The following GLI3 variants were observed in gnomAD, a reference collection of about 807,000 sequenced individuals.
GLI3 encodes GLI family zinc finger 3.
GLI3 carries 20 observed loss-of-function variants against 100.8 expected under a neutral mutation model. That is an observed-to-expected ratio of 0.20 (90% CI 0.14 to 0.29). The LOEUF (loss-of-function observed/expected upper bound fraction) is 0.29. Among genes scored for constraint, GLI3 ranks in the 10% least tolerant of loss-of-function variants. GLI3 has a pLI of 1.00. For synonymous variants in GLI3, 938 were observed against 860.5 expected, an observed-to-expected ratio of 1.09 and a Z score of -1.58; for missense variants, 2,040 against 2,128.5, an observed-to-expected ratio of 0.96 and a Z score of 0.82.
At chr7:42,142,706 G>C (rs999301845) in intron 3 of GLI3, among the ~76,000 whole-genome samples, 2 of 151,632 alleles carry the variant, frequency 1.3e-5, no homozygotes, top group African/African-American at 2.4e-5. Context: ...AAGTTGTCTT[G>C]CAATGCAGCT....
chr7:42,148,145 AC>A, intron 3 of GLI3, 80 bp downstream of exon 3: 1 of 1,071,810 alleles, frequency 9.3e-7, no homozygotes, highest in Non-Finnish European at 1.3e-6. Flanking sequence ...GCACACACAC[AC>A]ACACACACAC....
At chr7:42,009,078 G>A (rs910806091) in intron 10 of GLI3, among the ~76,000 whole-genome samples, 9 of 152,144 alleles carry the variant, frequency 5.9e-5, no homozygotes, top group African/African-American at 1.9e-4. Context: ...CAGCTCCCTT[G>A]ACTGATGCCA....
At chr7:42,128,248 G>A (rs1272050581) in intron 3 of GLI3, among the ~76,000 whole-genome samples, 1 of 151,856 alleles carries the variant, frequency 6.6e-6, no homozygotes, top group Non-Finnish European at 1.5e-5. Flanking sequence ...TGTCTGTTAT[G>A]GTATTAGCCA....
At chr7:42,204,731 C>G (rs1039409724) in intron 2 of GLI3, among the ~76,000 whole-genome samples, 1 of 152,100 alleles carries the variant, frequency 6.6e-6, no homozygotes, top group African/African-American at 2.4e-5. Flanking sequence ...TCTTTCTGAG[C>G]TTGATTCCAT....
chr7:42,214,982 A>G (rs956682625), intron 2 of GLI3, among the ~76,000 whole-genome samples: 1 of 152,226 alleles, frequency 6.6e-6, no homozygotes, highest in Admixed American at 6.5e-5. Context: ...AAATAGAAGA[A>G]AGAAACTAAC....
At chr7:42,086,115 A>G (rs1785096885) in intron 3 of GLI3, among the ~76,000 whole-genome samples, 1 of 152,196 alleles carries the variant, frequency 6.6e-6, no homozygotes, top group African/African-American at 2.4e-5. Flanking sequence ...AAAAATAATA[A>G]AACAATCTTG....
chr7:42,214,838 C>A (rs1788342577), intron 2 of GLI3, among the ~76,000 whole-genome samples: 1 of 145,122 alleles, frequency 6.9e-6, no homozygotes, highest in Admixed American at 7.0e-5. Flanking sequence ...TTAAATTGGC[C>A]TAAAATGTAC....
rs574573569 is a variant in GLI3 at position 42,001,182 on chromosome 7, T to C, written c.1497+22286A>G. ...ATCATTTGACTGTGGGAGGTGAAGG[T>C]TGCAGTGAGCCGAGATCACACTCCA... On this transcript the variant is annotated intron_variant, in intron 10 of 14. Coordinates refer to ENST00000395925, the MANE Select transcript of GLI3 (RefSeq NM_000168.6). Among the ~76,000 whole-genome samples, 4 of 142,820 alleles carry C rather than the reference T, an allele frequency of 2.8e-5. No individual in the cohort carries two copies. The East Asian group carries it at 6.4e-4, about 23-fold the overall frequency. The allele number at this position is 142,820 out of a possible 152,430, so 93.7% of individuals were successfully genotyped here. A position where few individuals can be genotyped will look rare whatever the true frequency, so the allele number is the denominator to read the frequency against.
rs530385492 is a variant in GLI3 at position 42,015,644 on chromosome 7, C to T, written c.1497+7824G>A. On this transcript the variant is annotated intron_variant, in intron 10 of 14. Transcript: ENST00000395925. ...TGATGGAGTTTCTCCACCAAGAAAA[C>T]GGGCTTGGCTGGTTATGGGCCTTAC... 1.2e-4 allele frequency among the ~76,000 whole-genome samples: 18 copies of T among 151,830 alleles called. No homozygotes were observed. In the South Asian group the frequency reaches 2.1e-3, roughly 18 times the overall value.
At chr7:42,177,964 G>A (rs137865914) in intron 2 of GLI3, among the ~76,000 whole-genome samples, 308 of 152,310 alleles carry the variant, frequency 2.0e-3, no homozygotes, top group Non-Finnish European at 2.9e-3. Flanking sequence ...GGATCCTGGT[G>A]CACCAAGGAT....
chr7:42,185,643 T>C (rs1787703304), intron 2 of GLI3, among the ~76,000 whole-genome samples: 1 of 152,212 alleles, frequency 6.6e-6, no homozygotes, highest in Non-Finnish European at 1.5e-5. Flanking sequence ...GCTTCCCTTG[T>C]GCACTCCTAT....
intron 2 of GLI3, among the ~76,000 whole-genome samples, chr7:42,173,152 G>A (rs570517911): frequency 6.6e-6 from 1 of 152,190 alleles, no homozygotes; most frequent in African/African-American, 2.4e-5. Context: ...AATACTTGAT[G>A]CCTGGCTGAC....
chr7:42,140,575 G>A (rs539523573), intron 3 of GLI3, among the ~76,000 whole-genome samples: 2 of 152,234 alleles, frequency 1.3e-5, no homozygotes, highest in South Asian at 4.2e-4. Context: ...TTTTCAAAGC[G>A]TACAACAAGA....
At chr7:42,117,560 A>C (rs1785890711) in intron 3 of GLI3, among the ~76,000 whole-genome samples, 4 of 152,250 alleles carry the variant, frequency 2.6e-5, no homozygotes, top group African/African-American at 9.6e-5. Context: ...ATTCTGACCC[A>C]ATGAAATGGG....
intron 2 of GLI3, among the ~76,000 whole-genome samples, chr7:42,153,810 T>C (rs564365037): frequency 5.3e-5 from 8 of 152,240 alleles, no homozygotes; most frequent in African/African-American, 1.4e-4. Context: ...ATCTTCCCCA[T>C]CCTTAAGAAA....
At chr7:42,159,860 T>C (rs773359400) in intron 2 of GLI3, among the ~76,000 whole-genome samples, 1 of 152,230 alleles carries the variant, frequency 6.6e-6, no homozygotes, top group Non-Finnish European at 1.5e-5. Context: ...CACTTAAAAA[T>C]CACTGCCAAG....
At chr7:42,108,648 AGAG>A (rs1357220309) in intron 3 of GLI3, among the ~76,000 whole-genome samples, 1 of 152,128 alleles carries the variant, frequency 6.6e-6, no homozygotes, top group Non-Finnish European at 1.5e-5. Context: ...TTTCAAAGTA[AGAG>A]GATAGGAAAT....
Position 42,188,002 on chromosome 7 carries a change from C to CAAAAAA in GLI3, c.124+35122_124+35127dup, listed in dbSNP as rs56140906. ...TGGGCGACAGAGTGAGACTCCATCTCAAAAAAAAAAAAAAAATAGGCCAGC... is the reference window on the plus strand; with the variant it reads ...TGGGCGACAGAGTGAGACTCCATCTCAAAAAAAAAAAAAAAAAAAAAATAGGCCAGC... On this transcript the variant is annotated intron_variant, in intron 2 of 14. Transcript: ENST00000395925. Among the ~76,000 whole-genome samples the CAAAAAA allele has an allele frequency of 3.9e-4, 33 of 85,302 alleles. 1 individual carries two copies. The highest frequency in any genetic ancestry group is 1.5e-3 in the African/African-American group (29 of 18,788). 56.0% of individuals were successfully genotyped at this position (85,302 alleles called of 152,430 possible).
At chr7:42,114,289 A>T (rs1022701574) in intron 3 of GLI3, among the ~76,000 whole-genome samples, 4 of 152,188 alleles carry the variant, frequency 2.6e-5, no homozygotes, top group Non-Finnish European at 5.9e-5. Context: ...ATTGGGTTTT[A>T]TCTTGGCTTT....
Sources: gnomAD v4.1 joint callset for allele counts (sites outside exome capture counted in the v4.1 genomes callset) on GRCh38, gnomAD v4.1.1 for gene constraint, MANE v1.5 for transcripts, NCBI Gene and HGNC (gene_info 2026-07-23, HGNC 2026-07-21) for gene names.